The following TBC1D5 variants were observed in gnomAD, a reference collection of about 807,000 sequenced individuals.
The protein encoded by TBC1D5 is TBC1 domain family member 5, also known as TBC1 domain family, member 5.
TBC1D5 carries 75 observed loss-of-function variants against 100.3 expected under a neutral mutation model. That is an observed-to-expected ratio of 0.75 (90% CI 0.62 to 0.91). TBC1D5 has a LOEUF of 0.91. TBC1D5 is among the 40% of genes least tolerant of loss of function. The probability of loss-of-function intolerance (pLI) is 0.00; values close to 1 mark genes in which losing one functional copy is unlikely to be tolerated. For missense variants in TBC1D5, 910 were observed against 942.4 expected (o/e 0.97, Z 0.45); for synonymous variants, 323 against 325.6 (o/e 0.99, Z 0.09).
At chr3:17,511,838 T>C (rs1279803200) in intron 2 of TBC1D5, among the ~76,000 whole-genome samples, 1 of 152,018 alleles carries the variant, frequency 6.6e-6, no homozygotes, top group Non-Finnish European at 1.5e-5. Context: ...AATGAACCAC[T>C]GAAATGTTTT....
chr3:17,580,383 T>C (rs1480194286), intron 2 of TBC1D5, among the ~76,000 whole-genome samples: 3 of 152,128 alleles, frequency 2.0e-5, no homozygotes, highest in African/African-American at 4.8e-5. Context: ...AGAAGAAGCC[T>C]AAAGAAGTGG....
intron 15 of TBC1D5, among the ~76,000 whole-genome samples, chr3:17,288,967 G>A (rs1006375387): frequency 1.3e-5 from 2 of 152,212 alleles, no homozygotes; most frequent in Admixed American, 6.5e-5. Flanking sequence ...CTGTTAACAC[G>A]CTGCAGTCCA....
intron 4 of TBC1D5, among the ~76,000 whole-genome samples, chr3:17,422,347 T>G (rs905350501): frequency 2.0e-5 from 3 of 148,114 alleles, no homozygotes; most frequent in African/African-American, 5.2e-5. Context: ...TTGTTTTTTG[T>G]TTTTTTGTTT....
rs58561651 is a variant in TBC1D5, at chr3:17,220,737, G to A, written c.1589-6367C>T. 9.8e-3 allele frequency among the ~76,000 whole-genome samples: 1,491 copies of A among 152,034 alleles called. 30 individuals are homozygous for A. The highest frequency in any genetic ancestry group is 0.035 in the African/African-American group (1,442 of 41,488). ...CTCCTTGGAACTCCTTAAGCCAGTGGCTTTTATTGCCTTGGAGGTGGTGGA... is the reference window on the plus strand; with the variant it reads ...CTCCTTGGAACTCCTTAAGCCAGTGACTTTTATTGCCTTGGAGGTGGTGGA... On this transcript the variant is annotated intron_variant, in intron 17 of 21. Coordinates refer to ENST00000253692, the Ensembl canonical transcript of TBC1D5.
chr3:17,420,408 ATT>A (rs1343982239), intron 4 of TBC1D5, among the ~76,000 whole-genome samples: 1 of 152,118 alleles, frequency 6.6e-6, no homozygotes, highest in Middle Eastern at 3.2e-3. Context: ...CCCTTAAATC[ATT>A]TGAGTCAAAT....
At chr3:17,328,212 G>C (rs1196270143) in intron 13 of TBC1D5, among the ~76,000 whole-genome samples, 1 of 151,922 alleles carries the variant, frequency 6.6e-6, no homozygotes, top group African/African-American at 2.4e-5. Context: ...TGAGGCCACA[G>C]TGAGCCATGA....
At chr3:17,212,099 T>G (rs2073053918) in intron 18 of TBC1D5, among the ~76,000 whole-genome samples, 1 of 152,244 alleles carries the variant, frequency 6.6e-6, no homozygotes, top group African/African-American at 2.4e-5. Flanking sequence ...TTTTTCTAAT[T>G]TAGGATAATT....
At chr3:17,414,432 C>G (rs1349848271) in intron 4 of TBC1D5, among the ~76,000 whole-genome samples, 1 of 152,102 alleles carries the variant, frequency 6.6e-6, no homozygotes, top group African/African-American at 2.4e-5. Context: ...TGAAAGATTT[C>G]AATCAATGCC....
At chr3:17,617,629 G>C (rs1225020738) in intron 2 of TBC1D5, among the ~76,000 whole-genome samples, 1 of 152,088 alleles carries the variant, frequency 6.6e-6, no homozygotes, top group South Asian at 2.1e-4. Flanking sequence ...TTGTCTTCTC[G>C]CTTTATTTCA....
At chr3:17,738,066 A>G (rs530076676) in intron 1 of TBC1D5, among the ~76,000 whole-genome samples, 1 of 152,364 alleles carries the variant, frequency 6.6e-6, no homozygotes, top group African/African-American at 2.4e-5. Context: ...CAATCCTTTC[A>G]CACCATCACC....
intron 14 of TBC1D5, among the ~76,000 whole-genome samples, chr3:17,303,406 A>T (rs2083061899): frequency 6.6e-6 from 1 of 152,224 alleles, no homozygotes; most frequent in Non-Finnish European, 1.5e-5. Context: ...GTTCAATAAA[A>T]GCTGTTTTCT....
intron 15 of TBC1D5, among the ~76,000 whole-genome samples, chr3:17,258,812 C>T (rs1185582021): frequency 2.6e-5 from 4 of 151,922 alleles, no homozygotes; most frequent in Non-Finnish European, 5.9e-5. Context: ...AATATTTATT[C>T]ATCATTAGAT....
chr3:17,199,011 G>T (rs1575898031), intron 18 of TBC1D5, among the ~76,000 whole-genome samples: 1 of 152,306 alleles, frequency 6.6e-6, no homozygotes, highest in East Asian at 1.9e-4. Context: ...GCTACATGTA[G>T]CTGAAAGCAT....
chr3:17,433,148 G>A (rs201081764), intron 3 of TBC1D5, among the ~76,000 whole-genome samples: 1 of 152,052 alleles, frequency 6.6e-6, no homozygotes, highest in East Asian at 1.9e-4. Context: ...AAATTGTTGT[G>A]CATATATGTT....
intron 3 of TBC1D5, among the ~76,000 whole-genome samples, chr3:17,493,964 C>T (rs2095670366): frequency 1.3e-5 from 2 of 152,154 alleles, no homozygotes; most frequent in Admixed American, 6.5e-5. Flanking sequence ...AGTTCTGTGT[C>T]CTTGCTGCAG....
intron 8 of TBC1D5, among the ~76,000 whole-genome samples, chr3:17,387,670 C>A (rs2093208261): frequency 6.6e-6 from 1 of 151,622 alleles, no homozygotes; most frequent in South Asian, 2.1e-4. Context: ...TTACCCCTTG[C>A]TAGATGGTGT....
intron 3 of TBC1D5, among the ~76,000 whole-genome samples, chr3:17,445,352 C>G (rs1305350874): frequency 6.7e-6 from 1 of 150,042 alleles, no homozygotes; most frequent in Admixed American, 6.6e-5. Flanking sequence ...TAGTGAAGAA[C>G]CATAAAAAAA....
At chr3:17,529,655 AT>A (rs921875666) in intron 2 of TBC1D5, among the ~76,000 whole-genome samples, 2 of 132,638 alleles carry the variant, frequency 1.5e-5, no homozygotes, top group East Asian at 2.1e-4. Context: ...TATTATTTTT[AT>A]TTTTTTTTGA....
chr3:17,321,430 A>AT (rs1386067361), intron 13 of TBC1D5, among the ~76,000 whole-genome samples: 4 of 151,682 alleles, frequency 2.6e-5, no homozygotes, highest in Non-Finnish European at 5.9e-5. Flanking sequence ...TTATCAATGC[A>AT]TTTTTTCTGT....
Sources: gnomAD v4.1 joint callset for allele counts (sites outside exome capture counted in the v4.1 genomes callset) on GRCh38, gnomAD v4.1.1 for gene constraint, MANE v1.5 for transcripts, NCBI Gene and HGNC (gene_info 2026-07-23, HGNC 2026-07-21) for gene names.